Variants in AKAIN1 observed in about 807,000 individuals in gnomAD.
The protein encoded by AKAIN1 is A-kinase anchor protein inhibitor 1.
AKAIN1 carries 3 observed loss-of-function variants against 3.7 expected under a neutral mutation model. The observed-to-expected ratio is 0.82, with a 90% confidence interval of 0.37 to 2.12. The LOEUF is 2.12. Among genes scored for constraint, AKAIN1 ranks in the 30% most tolerant of loss-of-function variants. The pLI, the probability that AKAIN1 is intolerant of heterozygous loss-of-function variation, is 0.06. For missense variants in AKAIN1, 82 were observed against 82.7 expected (o/e 0.99, Z 0.03); for synonymous variants, 31 against 30.8 (o/e 1.01, Z -0.02).
rs2071033684 is a variant in AKAIN1, at chr18:5,143,743, T to C, written c.*1819A>G. On this transcript the variant is annotated 3_prime_UTR_variant, in exon 2 of 2. Coordinates refer to ENST00000434239, the MANE Select transcript of AKAIN1 (RefSeq NM_001145194.2). ...TTTAGACACAGAGGTCAATAAGATG[T>C]TCCAAAAATTCCCAATTTTTTAGTA... Among the ~76,000 whole-genome samples the C allele has an allele frequency of 6.6e-6, 1 of 152,222 alleles. No individual in the cohort carries two copies.
rs1156873053 is a variant in AKAIN1, at chr18:5,153,284, T to A, written c.17-7529A>T. 2.0e-5 allele frequency among the ~76,000 whole-genome samples: 3 copies of A among 152,358 alleles called. No individual in the cohort carries two copies. The East Asian group carries it at 5.8e-4, about 29-fold the overall frequency. On this transcript the variant is annotated intron_variant, in intron 1 of 1. Transcript: ENST00000434239. ...GACAATTTTACTCTAGGAATCAAGA[T>A]GCTTATTGAGTTATTTTGGCCAAGA...
Position 5,145,032 on chromosome 18 carries a change from G to A in AKAIN1, c.*530C>T, listed in dbSNP as rs1319095146. Among the ~76,000 whole-genome samples, 1 of 152,082 alleles carries A rather than the reference G, an allele frequency of 6.6e-6. No individual in the cohort carries two copies. Among genetic ancestry groups the A allele is most frequent in the Non-Finnish European group, 1.5e-5 (1 of 68,026 alleles). The stretch of plus-strand genomic sequence containing the variant: ...GTAAATGCCTTGGTATGGTCCCGAG[G>A]GACTCAGCCTTAGAATTTCCCTTTT... On this transcript the variant is annotated 3_prime_UTR_variant, in exon 2 of 2. Transcript: ENST00000434239.
chr18:5,156,412 A>G (rs1012119352), intron 1 of AKAIN1, among the ~76,000 whole-genome samples: 1 of 152,192 alleles, frequency 6.6e-6, no homozygotes, highest in African/African-American at 2.4e-5. Flanking sequence ...ATCTCTCAAA[A>G]GTAATATTTA....
intron 1 of AKAIN1, chr18:5,171,083 G>C (rs1484316628): frequency 3.3e-5 from 5 of 152,108 alleles, no homozygotes; most frequent in Admixed American, 3.3e-4. Flanking sequence ...GACCCCAAAA[G>C]AATGGGGTCA....
At chr18:5,162,635 T>C (rs923217123) in intron 1 of AKAIN1, among the ~76,000 whole-genome samples, 35 of 133,900 alleles carry the variant, frequency 2.6e-4, no homozygotes, top group African/African-American at 1.1e-3. Flanking sequence ...CGTGTGTGTG[T>C]GTGTGTGTGT....
intron 1 of AKAIN1, among the ~76,000 whole-genome samples, chr18:5,187,241 G>A (rs2071292886): frequency 6.6e-6 from 1 of 152,082 alleles, no homozygotes; most frequent in African/African-American, 2.4e-5. Flanking sequence ...ATGAAACTAA[G>A]AGATGTATCT....
chr18:5,195,595 A>G (rs2071343156), intron 1 of AKAIN1, among the ~76,000 whole-genome samples: 1 of 152,218 alleles, frequency 6.6e-6, no homozygotes. Context: ...AAACTCCATT[A>G]GAGACTAGCA....
At chr18:5,146,923 C>T (rs1245936887) in intron 1 of AKAIN1, among the ~76,000 whole-genome samples, 2 of 152,212 alleles carry the variant, frequency 1.3e-5, no homozygotes, top group Admixed American at 6.5e-5. Flanking sequence ...AATTAGAAGG[C>T]AAGGCAGTCT....
chr18:5,192,588 C>T (rs1267840795), intron 1 of AKAIN1, among the ~76,000 whole-genome samples: 3 of 152,036 alleles, frequency 2.0e-5, no homozygotes, highest in African/African-American at 7.3e-5. Context: ...CACATCGAAT[C>T]TGCCAACATC....
At chr18:5,195,708 C>T (rs1351598578) in intron 1 of AKAIN1, among the ~76,000 whole-genome samples, 1 of 152,196 alleles carries the variant, frequency 6.6e-6, no homozygotes, top group Admixed American at 6.5e-5. Context: ...CATGAAACTG[C>T]TTTGTAAAGT....
Position 5,145,700 on chromosome 18 carries a change from C to T in AKAIN1, c.72G>A (p.Gln24=). ...CTTGCAGGATTGCATTCTGCACAAT[C>T]TGTTTGCTGGCATTCTGCAGCTTCA... ...EEVKLQNASK[Q]IVQNAILQAV... The change falls in exon 2 of 2, where the codon CAG becomes CAA. Residue 24 remains glutamine (Q), a synonymous_variant. Coordinates refer to ENST00000434239, the MANE Select transcript of AKAIN1 (RefSeq NM_001145194.2). 1 of 1,551,622 alleles carries T rather than the reference C, an allele frequency of 6.4e-7. No homozygotes were observed. The highest frequency in any genetic ancestry group is 8.7e-7 in the Non-Finnish European group (1 of 1,146,920).
intron 1 of AKAIN1, among the ~76,000 whole-genome samples, chr18:5,146,127 A>G (rs2143302388): frequency 6.6e-6 from 1 of 152,232 alleles, no homozygotes; most frequent in East Asian, 1.9e-4. Context: ...TATTACTTTT[A>G]TTGGGTTTTT....
At chr18:5,194,966 C>T (rs765547135) in intron 1 of AKAIN1, among the ~76,000 whole-genome samples, 1 of 152,100 alleles carries the variant, frequency 6.6e-6, no homozygotes. Flanking sequence ...GAAAATCTGG[C>T]GGAGTTCAAA....
At chr18:5,195,806 T>C (rs1254524129) in intron 1 of AKAIN1, among the ~76,000 whole-genome samples, 1 of 152,096 alleles carries the variant, frequency 6.6e-6, no homozygotes, top group African/African-American at 2.4e-5. Flanking sequence ...TATGGAACAA[T>C]TTCCTCCCTT....
intron 1 of AKAIN1, among the ~76,000 whole-genome samples, chr18:5,175,811 T>C (rs1408007068): frequency 6.6e-6 from 1 of 152,008 alleles, no homozygotes; most frequent in Non-Finnish European, 1.5e-5. Flanking sequence ...CTTTAAATTA[T>C]AGGGTTTTTT....
At chr18:5,182,754 GTCT>G (rs774860463) in intron 1 of AKAIN1, among the ~76,000 whole-genome samples, 1 of 152,006 alleles carries the variant, frequency 6.6e-6, no homozygotes, top group Non-Finnish European at 1.5e-5. Context: ...AATTTATTAG[GTCT>G]TCTTAGTCTT....
chr18:5,183,758 C>T (rs535406702), intron 1 of AKAIN1, among the ~76,000 whole-genome samples: 2 of 152,008 alleles, frequency 1.3e-5, no homozygotes, highest in Admixed American at 1.3e-4. Context: ...GATTAGTTTC[C>T]CATGAGCCTC....
rs2071324151 is a variant in AKAIN1 at position 5,192,389 on chromosome 18, C to CTTTCTTTCTTTCTTTCTTTCTT, written c.16+4627_16+4648dup. 1.2e-4 allele frequency among the ~76,000 whole-genome samples: 10 copies of CTTTCTTTCTTTCTTTCTTTCTT among 81,996 alleles called. No homozygotes were observed. In the South Asian group the frequency reaches 1.8e-3, roughly 14 times the overall value. The allele number at this position is 81,996 out of a possible 152,430, so 53.8% of individuals were successfully genotyped here. A position where few individuals can be genotyped will look rare whatever the true frequency, so the allele number is the denominator to read the frequency against. On this transcript the variant is annotated intron_variant, in intron 1 of 1. Coordinates refer to ENST00000434239, the MANE Select transcript of AKAIN1 (RefSeq NM_001145194.2). Reference sequence around the variant, plus strand: ...TGTGCAACCACACAGAGCTAATTTTCTTTCTTTCTTTCTTTCTTTCTTTCT... The same window carrying CTTTCTTTCTTTCTTTCTTTCTT: ...TGTGCAACCACACAGAGCTAATTTTCTTTCTTTCTTTCTTTCTTTCTTTTTCTTTCTTTCTTTCTTTCTTTCT...
chr18:5,152,733 T>G (rs1016403666), intron 1 of AKAIN1, among the ~76,000 whole-genome samples: 9 of 152,132 alleles, frequency 5.9e-5, no homozygotes, highest in African/African-American at 2.2e-4. Context: ...GGCAAGAACA[T>G]TACAAGCAAA....
Sources: gnomAD v4.1 joint callset for allele counts (sites outside exome capture counted in the v4.1 genomes callset) on GRCh38, gnomAD v4.1.1 for gene constraint, MANE v1.5 for transcripts, NCBI Gene and HGNC (gene_info 2026-07-23, HGNC 2026-07-21) for gene names.